The following COL28A1 variants were observed in gnomAD, a reference collection of about 807,000 sequenced individuals.
The protein encoded by COL28A1 is collagen type XXVIII alpha 1 chain.
In COL28A1, 161 loss-of-function variants were observed where a neutral mutation model predicts 150.2. The ratio of observed to expected loss-of-function variants is 1.07; its 90% confidence interval spans 0.94 to 1.22. The LOEUF is 1.22. Among genes scored for constraint, COL28A1 ranks in the 50% most tolerant of loss-of-function variants. The probability of loss-of-function intolerance (pLI) is 0.00; values close to 1 mark genes in which losing one functional copy is unlikely to be tolerated. For missense variants in COL28A1, 1,617 were observed against 1,388.3 expected, an observed-to-expected ratio of 1.16 and a Z score of -2.62; for synonymous variants, 552 against 469.7, an observed-to-expected ratio of 1.18 and a Z score of -2.26.
chr7:7,473,318 T>C (rs879980804), intron 15 of COL28A1, among the ~76,000 whole-genome samples: 1 of 151,910 alleles, frequency 6.6e-6, no homozygotes, highest in Non-Finnish European at 1.5e-5. Context: ...TCCAGAATCT[T>C]CAATGAACTC....
chr7:7,345,031 G>A, the COL28A1 span, among the ~76,000 whole-genome samples: 16 of 151,526 alleles, frequency 1.1e-4, no homozygotes, highest in African/African-American at 2.9e-4. Context: ...CACCCCTTTC[G>A]CCTGAAGAGG....
In COL28A1 at chr7:7,532,879, G is replaced by C; in HGVS notation, c.-4C>G. ...AGACAAAATATCTGTTCCACATTAT[G>C]GTAGATGGTGAAAAATCATCTGTCT... On this transcript the variant is annotated 5_prime_UTR_variant, in exon 2 of 35. Transcript: ENST00000399429. 1 of 1,593,088 alleles carries C rather than the reference G, an allele frequency of 6.3e-7. No individual in the cohort carries two copies. The highest frequency in any genetic ancestry group is 8.5e-7 in the Non-Finnish European group (1 of 1,173,850).
chr7:7,528,161 C>A (rs1351247880), intron 3 of COL28A1, among the ~76,000 whole-genome samples: 1 of 152,080 alleles, frequency 6.6e-6, no homozygotes, highest in Non-Finnish European at 1.5e-5. Flanking sequence ...ACAAATTTGT[C>A]ACAACCCTTA....
rs147306479 is a variant in COL28A1, at chr7:7,518,433, C to T, written c.814-596G>A. On this transcript the variant is annotated intron_variant, in intron 6 of 34. Transcript: ENST00000399429. ...ATCCAAGGCTGCTATATTCCCTTTC[C>T]TTGACAAGCAGACAATTGCCAAAAA... 3.0e-4 allele frequency among the ~76,000 whole-genome samples: 46 copies of T among 152,236 alleles called. No individual in the cohort carries two copies. The East Asian group carries it at 8.1e-3, about 27-fold the overall frequency.
chr7:7,524,282 G>C (rs201903185), intron 3 of COL28A1, 33 bp from the exon 4 acceptor site: 1 of 1,191,210 alleles, frequency 8.4e-7, no homozygotes, highest in Admixed American at 1.7e-5. Context: ...GCATTAACTC[G>C]ATTGATAGTT....
chr7:7,511,872 T>A (rs1781159158), intron 8 of COL28A1: 1 of 465,212 alleles, frequency 2.1e-6, no homozygotes, highest in Non-Finnish European at 4.5e-6. Flanking sequence ...GAGTTATTCT[T>A]TAGAGTTTAT....
intron 25 of COL28A1, among the ~76,000 whole-genome samples, chr7:7,427,273 G>C (rs890485143): frequency 5.9e-5 from 9 of 152,154 alleles, no homozygotes; most frequent in Admixed American, 5.2e-4. Context: ...AAACTGCCTA[G>C]GGTCTAAACT....
intron 25 of COL28A1, chr7:7,431,402 A>G (rs995423422): frequency 8.0e-6 from 3 of 377,168 alleles, no homozygotes; most frequent in African/African-American, 6.4e-5. Flanking sequence ...TGATCTCAGA[A>G]AGTGATACAC....
chr7:7,365,810 G>A (rs1451474979), intron 33 of COL28A1, among the ~76,000 whole-genome samples: 1 of 152,148 alleles, frequency 6.6e-6, no homozygotes, highest in Non-Finnish European at 1.5e-5. Flanking sequence ...TCCACAGCCA[G>A]CATCTTCAAA....
At chr7:7,458,821 A>T (rs1224376520) in intron 15 of COL28A1, among the ~76,000 whole-genome samples, 1 of 150,810 alleles carries the variant, frequency 6.6e-6, no homozygotes, top group East Asian at 2.0e-4. Context: ...ACTCATAGCC[A>T]CTAGCCAAAA....
chr7:7,534,588 A>G (rs1359232052), intron 1 of COL28A1, among the ~76,000 whole-genome samples: 1 of 152,178 alleles, frequency 6.6e-6, no homozygotes, highest in African/African-American at 2.4e-5. Context: ...ACTGAATTCC[A>G]TTGAGAACTG....
At chr7:7,484,605 A>G (rs1371911048) in intron 13 of COL28A1, among the ~76,000 whole-genome samples, 1 of 152,064 alleles carries the variant, frequency 6.6e-6, no homozygotes, top group Non-Finnish European at 1.5e-5. Context: ...TAGGAATGAT[A>G]CTCTGAAGGT....
chr7:7,403,848 C>T (rs993873646), intron 27 of COL28A1, among the ~76,000 whole-genome samples: 2 of 152,092 alleles, frequency 1.3e-5, no homozygotes, highest in African/African-American at 4.8e-5. Flanking sequence ...ATATACCTGG[C>T]ATCAATTTTG....
chr7:7,521,035 T>C (rs886571883), intron 5 of COL28A1, among the ~76,000 whole-genome samples: 14 of 152,168 alleles, frequency 9.2e-5, no homozygotes, highest in African/African-American at 3.4e-4. Flanking sequence ...ATTTGTCACA[T>C]TCTAATTCAT....
chr7:7,521,423 C>T (rs532532499), intron 5 of COL28A1, among the ~76,000 whole-genome samples: 2 of 152,334 alleles, frequency 1.3e-5, no homozygotes, highest in Middle Eastern at 3.4e-3. Context: ...ACAGAACTCA[C>T]CCTAATCCCC....
chr7:7,383,271 T>TGC, intron 27 of COL28A1, among the ~76,000 whole-genome samples: 1 of 139,924 alleles, frequency 7.1e-6, no homozygotes, highest in Admixed American at 7.1e-5. Context: ...TGTGTGTGTG[T>TGC]GTGTGTGTGT....
chr7:7,504,956 A>G (rs1379245931), intron 11 of COL28A1, among the ~76,000 whole-genome samples: 1 of 152,224 alleles, frequency 6.6e-6, no homozygotes, highest in Non-Finnish European at 1.5e-5. Flanking sequence ...ATGCAATTTT[A>G]TCAAAACTTC....
intron 27 of COL28A1, among the ~76,000 whole-genome samples, chr7:7,414,108 C>T (rs749378903): frequency 1.1e-4 from 17 of 152,274 alleles, no homozygotes; most frequent in African/African-American, 1.7e-4. Flanking sequence ...CATCTGTCTC[C>T]GTGCTTTTTA....
chr7:7,348,341 A>T, the COL28A1 span, among the ~76,000 whole-genome samples: 1 of 151,980 alleles, frequency 6.6e-6, no homozygotes, highest in Admixed American at 6.6e-5. Context: ...AGATTAGGAG[A>T]TGCTAATATG....
Sources: allele counts gnomAD v4.1 joint callset (sites outside exome capture counted in the v4.1 genomes callset), GRCh38; gene constraint gnomAD v4.1.1; transcripts MANE v1.5; gene names NCBI Gene and HGNC (gene_info 2026-07-23, HGNC 2026-07-21).